Variants in GRM8 observed in about 807,000 individuals in gnomAD.
GRM8 encodes glutamate metabotropic receptor 8, also known as metabotropic glutamate receptor 8.
A neutral mutation model predicts 87.2 loss-of-function variants in GRM8; 47 were observed. That is an observed-to-expected ratio of 0.54 (90% CI 0.43 to 0.69). The LOEUF (loss-of-function observed/expected upper bound fraction) is 0.69. Among genes scored for constraint, GRM8 ranks in the 30% least tolerant of loss-of-function variants. The pLI, the probability that GRM8 is intolerant of heterozygous loss-of-function variation, is 0.00. For missense variants in GRM8, 1,019 were observed against 1,139.2 expected, an observed-to-expected ratio of 0.89 and a Z score of 1.52; for synonymous variants, 396 against 404.5, an observed-to-expected ratio of 0.98 and a Z score of 0.25.
chr7:127,067,362 C>A (rs983757228), intron 3 of GRM8, among the ~76,000 whole-genome samples: 1 of 152,096 alleles, frequency 6.6e-6, no homozygotes, highest in Non-Finnish European at 1.5e-5. Context: ...GTGCCGTATT[C>A]TTTTTTTAAA....
At position 127,106,583 on chromosome 7, in the gene GRM8, C is replaced by G; in HGVS notation, c.640G>C (p.Gly214Arg). 1 of 1,614,098 alleles carries G rather than the reference C, an allele frequency of 6.2e-7. No homozygotes were observed. The highest frequency in any genetic ancestry group is 8.5e-7 in the Non-Finnish European group (1 of 1,180,008). The change falls in exon 3 of 11, where the codon GGA (glycine) becomes CGA (arginine). Residue 214 changes from glycine (G) to arginine (R), a missense_variant. By Grantham distance (125) the Gly-to-Arg change is moderately radical (BLOSUM62 -2). Transcript: ENST00000339582. ...GCCAGTGTCGAAACATAATTCCATC[C>G]CAGTGCTGTCACGATGTCCACCATG... ...QAMVDIVTAL[G>R]WNYVSTLASE...
At chr7:126,461,472 C>A (rs938831303) in intron 9 of GRM8, among the ~76,000 whole-genome samples, 2 of 151,566 alleles carry the variant, frequency 1.3e-5, no homozygotes, top group African/African-American at 4.8e-5. Context: ...ACTTTCAAGT[C>A]ATGGTTGTCT....
At chr7:126,985,181 T>C (rs1405835655) in intron 3 of GRM8, among the ~76,000 whole-genome samples, 1 of 152,148 alleles carries the variant, frequency 6.6e-6, no homozygotes, top group African/African-American at 2.4e-5. Context: ...CCCATTTCCT[T>C]GTCACGTGCA....
In GRM8 at chr7:126,609,411, C is replaced by T. The variant is rs747544381; in HGVS notation, c.1445G>A (p.Ser482Asn). The change falls in exon 8 of 11, where the codon AGC becomes AAC. Residue 482 changes from serine to asparagine, a missense_variant. Coordinates refer to ENST00000339582, the MANE Select transcript of GRM8 (RefSeq NM_000845.3). The stretch of plus-strand genomic sequence containing the variant: ...GTGGCCGATGACTTTGTACTCTGTG[C>T]TTTTGTTGGTTATTTGATACTGGAA... ...DIFQYQITNK[S>N]TEYKVIGHWT... The T allele has an allele frequency of 1.2e-6, 2 of 1,613,372 alleles. No homozygotes were observed. Among genetic ancestry groups the T allele is most frequent in the Non-Finnish European group, 8.5e-7 (1 of 1,179,508 alleles).
chr7:126,983,106 G>A (rs1811704621), intron 3 of GRM8, among the ~76,000 whole-genome samples: 2 of 152,168 alleles, frequency 1.3e-5, no homozygotes, highest in African/African-American at 4.8e-5. Flanking sequence ...GGAGCCCAAA[G>A]TGTCCAGGTG....
At chr7:127,127,777 T>A (rs1275028733) in intron 2 of GRM8, among the ~76,000 whole-genome samples, 2 of 152,090 alleles carry the variant, frequency 1.3e-5, no homozygotes, top group African/African-American at 4.8e-5. Flanking sequence ...TTATTATATG[T>A]AAGTTATTAT....
intron 2 of GRM8, among the ~76,000 whole-genome samples, chr7:127,109,405 C>A (rs145527130): frequency 5.3e-5 from 8 of 152,290 alleles, no homozygotes; most frequent in Non-Finnish European, 1.2e-4. Flanking sequence ...ACTCTTCGGT[C>A]TGGTTCACAA....
intron 8 of GRM8, among the ~76,000 whole-genome samples, chr7:126,600,933 ATTT>A (rs34047308): frequency 6.6e-6 from 1 of 150,974 alleles, no homozygotes; most frequent in African/African-American, 2.4e-5. Flanking sequence ...CTAGAGTGGC[ATTT>A]TTTTTTTATT....
intron 9 of GRM8, among the ~76,000 whole-genome samples, chr7:126,520,161 GAC>G (rs1177975085): frequency 6.6e-6 from 1 of 152,048 alleles, no homozygotes; most frequent in Non-Finnish European, 1.5e-5. Context: ...GTAATTTGTT[GAC>G]AGAGTCTAAA....
intron 7 of GRM8, among the ~76,000 whole-genome samples, chr7:126,763,631 T>C (rs1421259250): frequency 6.6e-6 from 1 of 151,788 alleles, no homozygotes; most frequent in Non-Finnish European, 1.5e-5. Context: ...ATGTCTATTC[T>C]GGTATTAGTT....
chr7:126,550,117 T>G (rs945327543), intron 8 of GRM8, among the ~76,000 whole-genome samples: 2 of 150,082 alleles, frequency 1.3e-5, no homozygotes, highest in African/African-American at 5.0e-5. Context: ...TGTTTTTTTG[T>G]TTTTTTGTTT....
intron 2 of GRM8, among the ~76,000 whole-genome samples, chr7:127,120,947 T>A (rs922924804): frequency 3.3e-5 from 5 of 152,238 alleles, no homozygotes; most frequent in African/African-American, 1.2e-4. Context: ...ATATATCATA[T>A]CAAGAGTTGA....
chr7:126,536,928 CAT>C (rs1815830160), intron 8 of GRM8, among the ~76,000 whole-genome samples: 1 of 152,088 alleles, frequency 6.6e-6, no homozygotes, highest in African/African-American at 2.4e-5. Context: ...TCTCTAACCA[CAT>C]GTCGGAAGCT....
chr7:126,491,964 A>G (rs894149448), intron 9 of GRM8, among the ~76,000 whole-genome samples: 1 of 152,088 alleles, frequency 6.6e-6, no homozygotes, highest in African/African-American at 2.4e-5. Flanking sequence ...AGAATAATAA[A>G]AAAGCCATCC....
chr7:126,471,843 TG>T (rs943028887), intron 9 of GRM8, among the ~76,000 whole-genome samples: 87 of 152,294 alleles, frequency 5.7e-4, no homozygotes, highest in African/African-American at 2.1e-3. Context: ...TTCTTCCATT[TG>T]TTTGTATCCT....
chr7:126,574,830 C>A (rs143297333), intron 8 of GRM8, among the ~76,000 whole-genome samples: 33 of 152,200 alleles, frequency 2.2e-4, no homozygotes, highest in African/African-American at 6.0e-4. Context: ...CATCTACTAT[C>A]TGATACCATT....
chr7:126,656,506 A>T (rs1016118960), intron 7 of GRM8, among the ~76,000 whole-genome samples: 1 of 148,444 alleles, frequency 6.7e-6, no homozygotes, highest in African/African-American at 2.5e-5. Flanking sequence ...GTTTCTACTA[A>T]AAATACAAAA....
At chr7:126,782,439 A>G (rs1820178862) in intron 6 of GRM8, among the ~76,000 whole-genome samples, 1 of 152,200 alleles carries the variant, frequency 6.6e-6, no homozygotes. Context: ...ATTGTAATTA[A>G]GTTCTATTGA....
chr7:126,629,309 C>T (rs185297196), intron 7 of GRM8, among the ~76,000 whole-genome samples: 3 of 152,148 alleles, frequency 2.0e-5, no homozygotes, highest in South Asian at 2.1e-4. Flanking sequence ...AATCGCATTA[C>T]ATTTTTAAGC....
Sources: gnomAD v4.1 joint callset for allele counts (sites outside exome capture counted in the v4.1 genomes callset) on GRCh38, gnomAD v4.1.1 for gene constraint, MANE v1.5 for transcripts, NCBI Gene and HGNC (gene_info 2026-07-23, HGNC 2026-07-21) for gene names.